TUBGCP6: variants seen among roughly 807,000 people sequenced by gnomAD.
The protein encoded by TUBGCP6 is tubulin gamma complex component 6.
In TUBGCP6, 161 loss-of-function variants were observed where a neutral mutation model predicts 175.8. The ratio of observed to expected loss-of-function variants is 0.92; its 90% confidence interval spans 0.81 to 1.04. The LOEUF is 1.04. TUBGCP6 is among the 50% of genes least tolerant of loss of function. TUBGCP6 has a pLI of 0.00. For missense variants in TUBGCP6, 2,572 were observed against 2,433.0 expected, an observed-to-expected ratio of 1.06 and a Z score of -1.20; for synonymous variants, 1,173 against 1,030.5, an observed-to-expected ratio of 1.14 and a Z score of -2.65.
Position 50,244,832 on chromosome 22 carries a change from G to A in TUBGCP6, c.-373C>T. ...GAACTCGGCTTTGCACCCGTTCTTC[G>A]GGACCCACGAGAGGAGACGGCCAGG... On this transcript the variant is annotated 5_prime_UTR_variant, in exon 1 of 25. Transcript: ENST00000248846. 8.3e-6 allele frequency: 2 copies of A among 239,714 alleles called. No individual in the cohort carries two copies. The highest frequency in any genetic ancestry group is 1.6e-5 in the Non-Finnish European group (2 of 121,522). 14.8% of individuals were successfully genotyped at this position (239,714 alleles called of 1,614,324 possible). A position where few individuals can be genotyped will look rare whatever the true frequency, so the allele number is the denominator to read the frequency against.
rs975494682 is a variant in TUBGCP6, at chr22:50,243,615, C to G, written c.741+104G>C. 9 of 578,130 alleles carry G rather than the reference C, an allele frequency of 1.6e-5. No homozygotes were observed. The African/African-American group carries it at 3.0e-4, about 19-fold the overall frequency. 35.8% of individuals were successfully genotyped at this position (578,130 alleles called of 1,614,324 possible). On this transcript the variant is annotated intron_variant, in intron 1 of 24. Transcript: ENST00000248846. Reference sequence around the variant, plus strand: ...CCTGGGTGACAGAGTGAGACACTGTCTCAAAAAAAAAAAAAAAAAGAAGAA... The same window carrying G: ...CCTGGGTGACAGAGTGAGACACTGTGTCAAAAAAAAAAAAAAAAAGAAGAA...
Position 50,217,768 on chromosome 22 carries a change from T to G in TUBGCP6, c.5428A>C (p.Ile1810Leu), listed in dbSNP as rs766902364. The stretch of plus-strand genomic sequence containing the variant: ...TCCTGGTAGTAGTTGTTGAAGTTGA[T>G]GCGCAGCAGAAAGTCCTCCAGGTGG... ...QPHLEDFLLR[I>L]NFNNYYQDA The change falls in exon 25 of 25, where the codon ATC becomes CTC. Residue 1810 changes from isoleucine to leucine, a missense_variant. Coordinates refer to ENST00000248846, the MANE Select transcript of TUBGCP6 (RefSeq NM_020461.4). The G allele has an allele frequency of 2.5e-6, 4 of 1,614,052 alleles. No homozygotes were observed. Among genetic ancestry groups the G allele is most frequent in the Non-Finnish European group, 3.4e-6 (4 of 1,180,002 alleles).
intron 3 of TUBGCP6, among the ~76,000 whole-genome samples, chr22:50,232,470 T>C (rs1182944972): frequency 2.0e-5 from 3 of 150,714 alleles, no homozygotes; most frequent in African/African-American, 4.9e-5. Context: ...GGTGGGAGGA[T>C]TGAGATTCAG....
chr22:50,242,468 G>T (rs1025456961), intron 1 of TUBGCP6, among the ~76,000 whole-genome samples: 10 of 152,192 alleles, frequency 6.6e-5, no homozygotes, highest in Admixed American at 2.6e-4. Context: ...CTGCACTCCA[G>T]CCTGGGCGAC....
At chr22:50,233,010 GGA>G (rs2064713824) in intron 3 of TUBGCP6, among the ~76,000 whole-genome samples, 1 of 152,246 alleles carries the variant, frequency 6.6e-6, no homozygotes, top group South Asian at 2.1e-4. Context: ...GGGAAGGCTC[GGA>G]AGGCGCCTGG....
rs947534638 is a variant in TUBGCP6 at position 50,233,628 on chromosome 22, G to A, written c.906-102C>T. 1.4e-5 allele frequency: 16 copies of A among 1,162,088 alleles called. No individual in the cohort carries two copies. In the African/African-American group the frequency reaches 1.9e-4, roughly 13 times the overall value. 72.0% of individuals were successfully genotyped at this position (1,162,088 alleles called of 1,614,324 possible). A position where few individuals can be genotyped will look rare whatever the true frequency, so the allele number is the denominator to read the frequency against. On this transcript the variant is annotated intron_variant, in intron 2 of 24. Transcript: ENST00000248846. ...AATGGGCATGAACAGAAGAATGGAA[G>A]TGATTCAAAACAATAAACTCTAAGA...
chr22:50,218,766 G>A lies in TUBGCP6; in HGVS notation c.4758C>T (p.Tyr1586=), dbSNP rs771176657. The change falls in exon 21 of 25, where the codon TAC becomes TAT. Residue 1586 remains tyrosine, a synonymous_variant. Coordinates refer to ENST00000248846, the MANE Select transcript of TUBGCP6 (RefSeq NM_020461.4). ...HASNLSLALK[Y]LPEVFAPNAP... ...CGTTGGGGGCAAACACCTCGGGCAG[G>A]TACTTGAGAGCGAGGGAGAGGTTGG... is the stretch of plus-strand genomic sequence containing the variant. 1 of 1,613,998 alleles carries A rather than the reference G, an allele frequency of 6.2e-7. No homozygotes were observed. The highest frequency in any genetic ancestry group is 1.3e-5 in the African/African-American group (1 of 74,928).
intron 10 of TUBGCP6, 30 bp from the exon 11 acceptor site, chr22:50,224,622 C>G (rs758658650): frequency 6.2e-7 from 1 of 1,609,950 alleles, no homozygotes; most frequent in South Asian, 1.1e-5. Context: ...ATCAAAGCAT[C>G]CTGGCCGGGC....
chr22:50,231,930 A>C (rs1224732129), intron 3 of TUBGCP6, among the ~76,000 whole-genome samples: 1 of 151,830 alleles, frequency 6.6e-6, no homozygotes, highest in African/African-American at 2.4e-5. Context: ...ATCAGAAATG[A>C]AAAGTAGGGG....
chr22:50,225,312 T>C (rs2064589265), intron 10 of TUBGCP6, among the ~76,000 whole-genome samples: 1 of 151,770 alleles, frequency 6.6e-6, no homozygotes, highest in Admixed American at 6.6e-5. Flanking sequence ...TGGCACTGAT[T>C]GTACCACCGA....
chr22:50,226,360 C>T lies in TUBGCP6; in HGVS notation c.1620G>A (p.Val540=). The T allele has an allele frequency of 6.2e-7, 1 of 1,610,852 alleles. No individual in the cohort carries two copies. Among genetic ancestry groups the T allele is most frequent in the Non-Finnish European group, 8.5e-7 (1 of 1,178,600 alleles). ...EPYTRFIHDW[V]YSGVFRDAYG... ...AAGCGTCTCTGAACACCCCGCTGTACACCCAGTCGTGGATGAACCTGCAGT... is the reference window on the plus strand; with the variant it reads ...AAGCGTCTCTGAACACCCCGCTGTATACCCAGTCGTGGATGAACCTGCAGT... The change falls in exon 8 of 25, where the codon GTG becomes GTA. Residue 540 remains valine (V), a synonymous_variant. Coordinates refer to ENST00000248846, the MANE Select transcript of TUBGCP6 (RefSeq NM_020461.4).
At chr22:50,231,616 T>C (rs1445302360) in intron 3 of TUBGCP6, among the ~76,000 whole-genome samples, 2 of 151,790 alleles carry the variant, frequency 1.3e-5, no homozygotes, top group Non-Finnish European at 2.9e-5. Context: ...TCCCAGCACT[T>C]TGGGAGGCCG....
chr22:50,217,879 TG>T (rs753624847), intron 24 of TUBGCP6, 38 bp downstream of exon 24: 1 of 1,606,486 alleles, frequency 6.2e-7, no homozygotes, highest in Non-Finnish European at 8.5e-7. Flanking sequence ...AGCCCCGCCC[TG>T]GCCCCCCCGC....
chr22:50,218,755 A>G lies in TUBGCP6; in HGVS notation c.4769T>C (p.Val1590Ala), dbSNP rs1436169813. ...LSLALKYLPEVFAPNAPDVLS... is the reference protein window; with the variant it reads ...LSLALKYLPEAFAPNAPDVLS... ...CACATCCGGGGCGTTGGGGGCAAAC[A>G]CCTCGGGCAGGTACTTGAGAGCGAG... Residue 1590 changes from valine (V) to alanine (A), a missense_variant, in exon 21 of 25, where the codon GTG (valine) becomes GCG (alanine). Physicochemically the swap from Val to Ala is moderately conservative, Grantham distance 64 (BLOSUM62 0). Coordinates refer to ENST00000248846, the MANE Select transcript of TUBGCP6 (RefSeq NM_020461.4). 6.2e-7 allele frequency: 1 copy of G among 1,613,934 alleles called. No homozygotes were observed. The highest frequency in any genetic ancestry group is 1.1e-5 in the South Asian group (1 of 91,068).
At chr22:50,231,547 A>C (rs958260759) in intron 3 of TUBGCP6, among the ~76,000 whole-genome samples, 22 of 152,102 alleles carry the variant, frequency 1.4e-4, no homozygotes, top group African/African-American at 5.3e-4. Flanking sequence ...GACAAGTCTT[A>C]GCTAGAATAA....
intron 1 of TUBGCP6, among the ~76,000 whole-genome samples, chr22:50,241,681 C>T (rs1002332180): frequency 6.6e-6 from 1 of 152,198 alleles, no homozygotes; most frequent in South Asian, 2.1e-4. Flanking sequence ...TCTGCTTCGG[C>T]TGCCAAACAG....
intron 4 of TUBGCP6, among the ~76,000 whole-genome samples, chr22:50,228,682 G>A (rs1452323953): frequency 6.6e-6 from 1 of 152,060 alleles, no homozygotes; most frequent in African/African-American, 2.4e-5. Context: ...CCGGGGCTGA[G>A]CCTCTGCCTA....
chr22:50,229,794 A>T (rs2064665950), intron 3 of TUBGCP6, among the ~76,000 whole-genome samples: 1 of 152,210 alleles, frequency 6.6e-6, no homozygotes, highest in Non-Finnish European at 1.5e-5. Context: ...CATGTTTAAA[A>T]TGCCAAGTGT....
chr22:50,218,573 C>T lies in TUBGCP6; in HGVS notation c.4869G>A (p.Lys1623=). The T allele has an allele frequency of 6.2e-7, 1 of 1,613,840 alleles. No homozygotes were observed. The highest frequency in any genetic ancestry group is 8.5e-7 in the Non-Finnish European group (1 of 1,179,978). Residue 1623 remains lysine (K), a synonymous_variant, in exon 22 of 25, where the codon AAG becomes AAA. Transcript: ENST00000248846. The part of the protein sequence containing the change: ...NIVITEGCVS[K]YSGVFSFLLQ... ...GCAGGAAGGAGAAGACGCCGCTGTACTTGCTCACGCAGCCCTCGGTGATGA... is the reference window on the plus strand; with the variant it reads ...GCAGGAAGGAGAAGACGCCGCTGTATTTGCTCACGCAGCCCTCGGTGATGA...
Sources: allele counts gnomAD v4.1 joint callset (sites outside exome capture counted in the v4.1 genomes callset), GRCh38; gene constraint gnomAD v4.1.1; transcripts MANE v1.5; gene names NCBI Gene and HGNC (gene_info 2026-07-23, HGNC 2026-07-21).